The following BABAM2 variants were observed in gnomAD, a reference collection of about 807,000 sequenced individuals.
The protein encoded by BABAM2 is BRISC and BRCA1-A complex member 2.
In BABAM2, 31 loss-of-function variants were observed where a neutral mutation model predicts 54.7. The ratio of observed to expected loss-of-function variants is 0.57; its 90% confidence interval spans 0.43 to 0.77. BABAM2 has a LOEUF of 0.77. Among genes scored for constraint, BABAM2 ranks in the 30% least tolerant of loss-of-function variants. BABAM2 has a pLI of 0.00. For synonymous variants in BABAM2, 167 were observed against 162.9 expected (o/e 1.03, Z -0.19); for missense variants, 364 against 455.8 (o/e 0.80, Z 1.83).
Position 28,131,082 on chromosome 2 carries a change from T to A in BABAM2, c.680+1702T>A, listed in dbSNP as rs867745542. Among the ~76,000 whole-genome samples, 18 of 5,782 alleles carry A rather than the reference T, an allele frequency of 3.1e-3. 2 individuals are homozygous for A. Among genetic ancestry groups the A allele is most frequent in the African/African-American group, 9.1e-3 (17 of 1,872 alleles). The allele number at this position is 5,782 out of a possible 152,430, so 3.8% of individuals were successfully genotyped here. On this transcript the variant is annotated intron_variant, in intron 7 of 11. Transcript: ENST00000379624. ...TATTATTATTATTATTATTATTATT[T>A]TTTTTTTTTTTTTTTTTGAGACGGA...
intron 2 of BABAM2, among the ~76,000 whole-genome samples, chr2:27,919,112 A>G (rs957625952): frequency 6.6e-6 from 1 of 152,112 alleles, no homozygotes; most frequent in African/African-American, 2.4e-5. Context: ...ATTTATTTCT[A>G]TATATTTGAT....
intron 6 of BABAM2, among the ~76,000 whole-genome samples, chr2:28,082,272 A>G (rs933247424): frequency 2.6e-5 from 4 of 152,212 alleles, no homozygotes; most frequent in African/African-American, 9.6e-5. Flanking sequence ...GTATAAAGCA[A>G]ATAGTTTTGT....
intron 7 of BABAM2, among the ~76,000 whole-genome samples, chr2:28,228,221 G>A (rs1681063464): frequency 6.6e-6 from 1 of 152,180 alleles, no homozygotes; most frequent in Non-Finnish European, 1.5e-5. Context: ...GACCAGTGAT[G>A]TGCACGTGAA....
chr2:28,042,237 T>C lies in BABAM2; in HGVS notation c.496-3488T>C, dbSNP rs543138989. ...TTTAGTTTTGTTTATAGGAGTTGGATAAATGAAATTTGAATTTAAAAAAAG... is the reference window on the plus strand; with the variant it reads ...TTTAGTTTTGTTTATAGGAGTTGGACAAATGAAATTTGAATTTAAAAAAAG... On this transcript the variant is annotated intron_variant, in intron 5 of 11. Coordinates refer to ENST00000379624, the MANE Select transcript of BABAM2 (RefSeq NM_199191.3). Among the ~76,000 whole-genome samples, 3 of 152,276 alleles carry C rather than the reference T, an allele frequency of 2.0e-5. No individual in the cohort carries two copies. The South Asian group carries it at 6.2e-4, about 32-fold the overall frequency.
At chr2:27,924,594 C>T (rs748006884) in intron 2 of BABAM2, among the ~76,000 whole-genome samples, 3 of 152,038 alleles carry the variant, frequency 2.0e-5, no homozygotes, top group Non-Finnish European at 2.9e-5. Flanking sequence ...ATGTTGGCCC[C>T]GCTGGTCTTG....
chr2:28,186,228 GT>G (rs1676265382), intron 7 of BABAM2, among the ~76,000 whole-genome samples: 1 of 152,030 alleles, frequency 6.6e-6, no homozygotes, highest in Admixed American at 6.6e-5. Context: ...GTTATTATGG[GT>G]AATACCAAAA....
At chr2:27,962,574 T>A (rs952627775) in intron 3 of BABAM2, among the ~76,000 whole-genome samples, 1 of 152,254 alleles carries the variant, frequency 6.6e-6, no homozygotes, top group African/African-American at 2.4e-5. Context: ...AGATTTTAAC[T>A]GTAGCTTTTG....
rs77567159 is a variant in BABAM2 at position 28,272,827 on chromosome 2, G to C, written c.935-25511G>C. On this transcript the variant is annotated intron_variant, in intron 10 of 11. Transcript: ENST00000379624. The stretch of plus-strand genomic sequence containing the variant: ...ATCAGAAGGGAGCACCTCCCTCTGC[G>C]TGAGGGAGCTGGGGAAGGCTTGACA... Among the ~76,000 whole-genome samples, 1,110 of 152,236 alleles carry C rather than the reference G, an allele frequency of 7.3e-3. 10 individuals carry two copies. The highest frequency in any genetic ancestry group is 0.025 in the African/African-American group (1,052 of 41,552).
chr2:28,327,241 C>T, intron 11 of BABAM2: 3 of 1,575,400 alleles, frequency 1.9e-6, no homozygotes, highest in Non-Finnish European at 2.6e-6. Context: ...GCTGGCCCTC[C>T]CTTCTCCTCC....
At chr2:28,077,962 A>C (rs1452973324) in intron 6 of BABAM2, among the ~76,000 whole-genome samples, 1 of 152,122 alleles carries the variant, frequency 6.6e-6, no homozygotes, top group African/African-American at 2.4e-5. Flanking sequence ...TAGTACCTCC[A>C]TCCTCTTTTC....
At chr2:28,279,226 G>A (rs13394386) in intron 10 of BABAM2, among the ~76,000 whole-genome samples, 2,196 of 152,206 alleles carry the variant, frequency 0.014, 63 homozygotes, top group African/African-American at 0.05. Flanking sequence ...TGCTTTCTCT[G>A]CCACCACCAG....
chr2:27,985,001 A>G (rs1174362287), intron 3 of BABAM2, among the ~76,000 whole-genome samples: 1 of 151,380 alleles, frequency 6.6e-6, no homozygotes, highest in African/African-American at 2.4e-5. Context: ...AATTCCATCC[A>G]GGTTGCTGCA....
chr2:28,292,922 C>T (rs113117045), intron 10 of BABAM2, among the ~76,000 whole-genome samples: 7 of 152,194 alleles, frequency 4.6e-5, no homozygotes, highest in African/African-American at 1.7e-4. Flanking sequence ...CACAGCTGTC[C>T]GCCACCACTG....
intron 10 of BABAM2, among the ~76,000 whole-genome samples, chr2:28,278,228 G>A (rs965862398): frequency 6.6e-6 from 1 of 152,146 alleles, no homozygotes. Context: ...TTTTGAACAG[G>A]GATGTGGCAT....
chr2:28,338,379 C>A, intron 11 of BABAM2, 71 bp from the exon 12 acceptor site: 1 of 1,328,430 alleles, frequency 7.5e-7, no homozygotes, highest in Non-Finnish European at 1.1e-6. Context: ...AGCTTGAAAG[C>A]TCCCAGTTGC....
chr2:28,154,631 A>G (rs1021205508), intron 7 of BABAM2, among the ~76,000 whole-genome samples: 4 of 151,768 alleles, frequency 2.6e-5, no homozygotes, highest in East Asian at 1.9e-4. Flanking sequence ...GCCCTTCTTT[A>G]TGTATTTTTT....
At chr2:28,286,542 A>G (rs1416118789) in intron 10 of BABAM2, among the ~76,000 whole-genome samples, 2 of 152,132 alleles carry the variant, frequency 1.3e-5, no homozygotes, top group Admixed American at 1.3e-4. Flanking sequence ...CTGGGCCTCT[A>G]CGGTGACTGC....
Position 28,298,505 on chromosome 2 carries a change from T to C in BABAM2, c.1088+14T>C. 1.2e-6 allele frequency: 2 copies of C among 1,613,994 alleles called. No homozygotes were observed. Among genetic ancestry groups the C allele is most frequent in the Non-Finnish European group, 1.7e-6 (2 of 1,179,936 alleles). Reference sequence around the variant, plus strand: ...CAAAAGAGCAAAGTAAGTGAATCTGTCGTTATTTCCAACAGGTAAGAGCAT... The same window carrying C: ...CAAAAGAGCAAAGTAAGTGAATCTGCCGTTATTTCCAACAGGTAAGAGCAT... On this transcript the variant is annotated intron_variant, in intron 11 of 11. Coordinates refer to ENST00000379624, the MANE Select transcript of BABAM2 (RefSeq NM_199191.3).
intron 8 of BABAM2, 92 bp from the exon 9 acceptor site, chr2:28,241,231 T>G: frequency 7.9e-7 from 1 of 1,267,006 alleles, no homozygotes; most frequent in Admixed American, 1.8e-5. Context: ...CACTTTACTA[T>G]TCTTTCTGCT....
Sources: allele counts gnomAD v4.1 joint callset (sites outside exome capture counted in the v4.1 genomes callset), GRCh38; gene constraint gnomAD v4.1.1; transcripts MANE v1.5; gene names NCBI Gene and HGNC (gene_info 2026-07-23, HGNC 2026-07-21).